The following DMD variants were observed in gnomAD, a reference collection of about 807,000 sequenced individuals.
The protein encoded by DMD is mutant dystrophin.
A neutral mutation model predicts 330.1 loss-of-function variants in DMD; 63 were observed. That is an observed-to-expected ratio of 0.19 (90% confidence interval 0.16 to 0.24). The LOEUF (loss-of-function observed/expected upper bound fraction) is 0.24, where lower values mean the gene tolerates loss of function less well. Among genes scored for constraint, DMD ranks in the 10% least tolerant of loss-of-function variants. The probability of loss-of-function intolerance (pLI) is 1.00; values close to 1 mark genes in which losing one functional copy is unlikely to be tolerated. For synonymous variants in DMD, 1,223 were observed against 959.8 expected (o/e 1.27, Z -5.07); for missense variants, 3,344 against 2,684.1 (o/e 1.25, Z -5.43).
chrX:32,804,926 A>G (rs2076844971), intron 7 of DMD, among the ~76,000 whole-genome samples: 1 of 112,268 alleles, frequency 8.9e-6, no homozygotes, highest in Non-Finnish European at 1.9e-5. Flanking sequence ...AGCATCAACA[A>G]AAAGGACATC....
At chrX:31,669,789 T>C (rs1404880534) in intron 53 of DMD, among the ~76,000 whole-genome samples, 2 of 109,658 alleles carry the variant, frequency 1.8e-5, no homozygotes, top group Non-Finnish European at 3.8e-5. Flanking sequence ...TTTTGACTAT[T>C]CTACATCCCT....
At chrX:32,401,773 C>A (rs991634827) in intron 30 of DMD, among the ~76,000 whole-genome samples, 2 of 112,639 alleles carry the variant, frequency 1.8e-5, no homozygotes, top group Non-Finnish European at 3.8e-5. Flanking sequence ...ACCCCATTTA[C>A]CCTGATTTGA....
At chrX:33,011,375 C>G (rs73188270) in intron 2 of DMD, among the ~76,000 whole-genome samples, 7,618 of 111,364 alleles carry the variant, frequency 0.068, 439 homozygotes, top group African/African-American at 0.19. Context: ...AGTCATACTT[C>G]TTTGATTATT....
chrX:32,636,522 T>G (rs909723308), intron 11 of DMD, among the ~76,000 whole-genome samples: 5 of 112,380 alleles, frequency 4.4e-5, no homozygotes, highest in African/African-American at 1.6e-4. Flanking sequence ...AATGTGTCAT[T>G]GTTTTCAAAT....
At chrX:32,561,556 G>A (rs952782087) in intron 16 of DMD, among the ~76,000 whole-genome samples, 2 of 111,690 alleles carry the variant, frequency 1.8e-5, no homozygotes, top group African/African-American at 6.5e-5. Flanking sequence ...AAGAGACGGG[G>A]AGAACGGAAC....
rs182976578 is a variant in DMD at position 32,685,632 on chromosome X, C to T, written c.960+12238G>A. Among the ~76,000 whole-genome samples, 929 of 111,664 alleles carry T rather than the reference C, an allele frequency of 8.3e-3. 7 individuals carry two copies. Among genetic ancestry groups the T allele is most frequent in the African/African-American group, 0.028 (853 of 30,727 alleles). On this transcript the variant is annotated intron_variant, in intron 9 of 78. Transcript: ENST00000357033. ...ACCTCTCATCATTGGCATCATTACA[C>T]TTTAAATAAGTTACCTAATAGAAGT...
intron 1 of DMD, among the ~76,000 whole-genome samples, chrX:33,273,745 G>A (rs1408857246): frequency 1.8e-5 from 2 of 112,522 alleles, no homozygotes; most frequent in Admixed American, 9.4e-5. Context: ...CACTACAGCA[G>A]TATTTTACAA....
chrX:31,268,287 C>T (rs2051340946), intron 62 of DMD, among the ~76,000 whole-genome samples: 2 of 112,379 alleles, frequency 1.8e-5, no homozygotes, highest in African/African-American at 6.5e-5. Flanking sequence ...TATAGCATGG[C>T]AAAAGAGGCA....
intron 7 of DMD, among the ~76,000 whole-genome samples, chrX:32,703,629 G>C (rs977776054): frequency 9.0e-6 from 1 of 111,217 alleles, no homozygotes. Context: ...TATGGACTTC[G>C]GGGTAATCCT....
In DMD at chrX:32,825,403, C is replaced by T. The variant is rs773052732; in HGVS notation, c.265-2016G>A. ...GTCCAATTTCCACTATATTCAGGTA[C>T]TGGGCTCAGACCTGATAAAGGAAAG... On this transcript the variant is annotated intron_variant, in intron 4 of 78. Transcript: ENST00000357033. Among the ~76,000 whole-genome samples the T allele has an allele frequency of 2.7e-5, 3 of 111,441 alleles. No homozygotes were observed. In the East Asian group the frequency reaches 8.5e-4, roughly 32 times the overall value.
chrX:31,945,802 T>A (rs2095078355), intron 45 of DMD, among the ~76,000 whole-genome samples: 1 of 112,056 alleles, frequency 8.9e-6, no homozygotes, highest in Non-Finnish European at 1.9e-5. Flanking sequence ...TTTCCATGAA[T>A]AAATGGGGTC....
intron 9 of DMD, among the ~76,000 whole-genome samples, chrX:32,657,087 T>C (rs1602610663): frequency 9.0e-6 from 1 of 110,600 alleles, no homozygotes; most frequent in East Asian, 2.8e-4. Flanking sequence ...TCTTTGGGTA[T>C]ACATTTACTT....
At chrX:32,817,091 T>C (rs1337715599) in intron 5 of DMD, among the ~76,000 whole-genome samples, 1 of 112,040 alleles carries the variant, frequency 8.9e-6, no homozygotes, top group Non-Finnish European at 1.9e-5. Flanking sequence ...ATTGTGGTAA[T>C]TGGACAAGTT....
intron 17 of DMD, among the ~76,000 whole-genome samples, chrX:32,537,175 G>C (rs1007836369): frequency 1.8e-5 from 2 of 111,224 alleles, no homozygotes; most frequent in Non-Finnish European, 3.8e-5. Flanking sequence ...ACCCTCTCTA[G>C]AGTTATACGA....
chrX:31,423,126 A>T (rs1297432942), intron 60 of DMD, among the ~76,000 whole-genome samples: 2 of 111,968 alleles, frequency 1.8e-5, no homozygotes, highest in African/African-American at 6.5e-5. Flanking sequence ...CAATTTAAAA[A>T]TTCTTGATCT....
intron 63 of DMD, among the ~76,000 whole-genome samples, chrX:31,241,091 C>T (rs2048227705): frequency 4.0e-5 from 1 of 25,258 alleles, no homozygotes; most frequent in Non-Finnish European, 9.0e-5. Flanking sequence ...GAACCTTTCT[C>T]TGCCCCTGTA....
In DMD at chrX:31,968,314, A is replaced by C. The variant is rs766373311; in HGVS notation, c.6614+25T>G. 13 of 1,204,296 alleles carry C rather than the reference A, an allele frequency of 1.1e-5. No homozygotes were observed. The East Asian group carries it at 2.1e-4, about 19-fold the overall frequency. On this transcript the variant is annotated intron_variant, in intron 45 of 78. Coordinates refer to ENST00000357033, the MANE Select transcript of DMD (RefSeq NM_004006.3). ...TTAAAAAGTCTGCTAAAATGTTTTC[A>C]TTCCTATTAGATCTGTCGCCCTACC...
At chrX:32,868,580 A>G (rs1226555463) in intron 2 of DMD, among the ~76,000 whole-genome samples, 1 of 112,229 alleles carries the variant, frequency 8.9e-6, no homozygotes, top group Non-Finnish European at 1.9e-5. Flanking sequence ...GGGAGACTGG[A>G]CAGTTTGAAC....
intron 76 of DMD, among the ~76,000 whole-genome samples, chrX:31,135,625 G>A (rs1048580641): frequency 8.9e-6 from 1 of 112,366 alleles, no homozygotes. Flanking sequence ...ATCTGTGTCT[G>A]TATTGTTTGT....
Sources: gnomAD v4.1 joint callset for allele counts (sites outside exome capture counted in the v4.1 genomes callset) on GRCh38, gnomAD v4.1.1 for gene constraint, MANE v1.5 for transcripts, NCBI Gene and HGNC (gene_info 2026-07-23, HGNC 2026-07-21) for gene names.